Variants in DBNDD2 observed in about 807,000 individuals in gnomAD.
The protein encoded by DBNDD2 is dysbindin domain-containing protein 2.
A neutral mutation model predicts 14.0 loss-of-function variants in DBNDD2; 8 were observed. The ratio of observed to expected loss-of-function variants is 0.57; its 90% CI spans 0.33 to 1.03. DBNDD2 has a LOEUF of 1.03. Ranked by LOEUF, DBNDD2 falls within the 50% of genes least tolerant of loss-of-function variation. The pLI is 0.03. For synonymous variants in DBNDD2, 94 were observed against 85.3 expected (o/e 1.10, Z -0.56); for missense variants, 194 against 206.0 (o/e 0.94, Z 0.36).
At chr20:45,408,755 G>A (rs1182079008) in intron 1 of DBNDD2, 46 bp from the exon 2 acceptor site, 12 of 1,595,812 alleles carry the variant, frequency 7.5e-6, no homozygotes, top group Non-Finnish European at 9.5e-6. Flanking sequence ...CACTGTCCTG[G>A]TGTGCAGCTT....
At chr20:45,408,628 G>T in intron 1 of DBNDD2, 22 bp downstream of exon 1, 1 of 1,607,966 alleles carries the variant, frequency 6.2e-7, no homozygotes, top group Non-Finnish European at 8.5e-7. Context: ...GTCCTGAGAA[G>T]AGGGACTGGG....
Position 45,408,827 on chromosome 20 carries a change from G to T in DBNDD2, c.166G>T (p.Glu56Ter). The T allele has an allele frequency of 2.5e-6, 4 of 1,614,196 alleles. No individual in the cohort carries two copies. Among genetic ancestry groups the T allele is most frequent in the Non-Finnish European group, 3.4e-6 (4 of 1,180,042 alleles). ...CCCCATAGGTAGTATCTCATCCATGGAAGTGAATGTGGACACACTGGAGCA... is the reference window on the plus strand; with the variant it reads ...CCCCATAGGTAGTATCTCATCCATGTAAGTGAATGTGGACACACTGGAGCA... ...RPPIGSISSM[E>*]VNVDTLEQVE... Residue 56 changes from glutamate (E) to a stop codon, truncating the protein, a stop_gained, in exon 2 of 3, where the codon GAA becomes TAA. Coordinates refer to ENST00000372710, the MANE Select transcript of DBNDD2 (RefSeq NM_001048225.4). LOFTEE classifies it high-confidence loss of function.
chr20:45,408,623 G>A lies in DBNDD2; in HGVS notation c.139+17G>A. The A allele has an allele frequency of 6.2e-7, 1 of 1,608,944 alleles. No homozygotes were observed. Among genetic ancestry groups the A allele is most frequent in the Non-Finnish European group, 8.5e-7 (1 of 1,176,268 alleles). On this transcript the variant is annotated intron_variant, in intron 1 of 2. Transcript: ENST00000372710. ...CGCAGAGACGTAAGTCCCAAGTCCT[G>A]AGAAGAGGGACTGGGGTAGGGTAGG...
rs75798323 is a variant in DBNDD2, at chr20:45,408,728, A to T, written c.140-73A>T. The T allele has an allele frequency of 1.9e-3, 3,022 of 1,582,554 alleles. 68 individuals carry two copies. In the East Asian group the frequency reaches 0.055, roughly 29 times the overall value. On this transcript the variant is annotated intron_variant, in intron 1 of 2. Transcript: ENST00000372710. ...TGGCCCTCTATGCTTCTAACTTGGGACCTGACATGTAACTCTCACTGTCCT... is the reference window on the plus strand; with the variant it reads ...TGGCCCTCTATGCTTCTAACTTGGGTCCTGACATGTAACTCTCACTGTCCT...
rs188002910 is a variant in DBNDD2 at position 45,408,498 on chromosome 20, C to A, written c.31C>A (p.Arg11Ser). The change falls in exon 1 of 3, where the codon CGC becomes AGC. Residue 11 changes from arginine (R) to serine (S), a missense_variant. Transcript: ENST00000372710. ...CCCAAATCCTCGGGCCGCCCTGGAG[C>A]GCCAGCAGCTCCGCCTTCGGGAGCG... Reference protein sequence around the residue: MDPNPRAALERQQLRLRERQK... With the variant: MDPNPRAALESQQLRLRERQK... 3 of 1,614,260 alleles carry A rather than the reference C, an allele frequency of 1.9e-6. No homozygotes were observed. The highest frequency in any genetic ancestry group is 2.5e-6 in the Non-Finnish European group (3 of 1,180,050).
At chr20:45,406,326 G>A (rs1051887507), upstream of DBNDD2, 5 of 857,470 alleles carry the variant, frequency 5.8e-6, no homozygotes, top group Admixed American at 3.7e-5. Flanking sequence ...GAACCGGCGC[G>A]GGCGCCCGCC....
chr20:45,408,231 T>A (rs1989588387), upstream of DBNDD2: 1 of 1,551,218 alleles, frequency 6.4e-7, no homozygotes, highest in Non-Finnish European at 8.7e-7. Context: ...GGAACTGGCA[T>A]CCCCTTTGTG....
chr20:45,406,647 C>G (rs1989414678), upstream of DBNDD2: 1 of 1,358,526 alleles, frequency 7.4e-7, no homozygotes, highest in African/African-American at 1.5e-5. Context: ...GCAGCCCCAC[C>G]CCGGCCGGCG....
rs947937399 is a variant in DBNDD2 at position 45,409,063 on chromosome 20, C to G, written c.277+125C>G. 12 of 1,584,742 alleles carry G rather than the reference C, an allele frequency of 7.6e-6. No homozygotes were observed. In the African/African-American group the frequency reaches 1.6e-4, roughly 21 times the overall value. ...TAAGGGCTGGAAGTGGGTGTTTCTA[C>G]CAATGAAACAGCTGCCTGTTCTGAT... is the stretch of plus-strand genomic sequence containing the variant. On this transcript the variant is annotated intron_variant, in intron 2 of 2. Transcript: ENST00000372710.
intron 1 of DBNDD2, 25 bp downstream of exon 1, chr20:45,408,631 G>T (rs1241376301): frequency 8.7e-6 from 14 of 1,607,142 alleles, no homozygotes; most frequent in Non-Finnish European, 1.2e-5. Flanking sequence ...CTGAGAAGAG[G>T]GACTGGGGTA....
intron 2 of DBNDD2, among the ~76,000 whole-genome samples, chr20:45,409,484 T>C (rs2145420950): frequency 6.6e-6 from 1 of 152,352 alleles, no homozygotes; most frequent in African/African-American, 2.4e-5. Flanking sequence ...GCCCATATGC[T>C]TAACTTGTAA....
At chr20:45,406,321 GGCGCGGGCGCCCGCCGCGGGTCT>G (rs1416616072), upstream of DBNDD2, 1 of 807,530 alleles carries the variant, frequency 1.2e-6, no homozygotes, top group African/African-American at 1.8e-5. Context: ...GGGCAGAACC[GGCGCGGGCGCCCGCCGCGGGTCT>G]GCGCGGGGCG....
At chr20:45,406,489 C>T, upstream of DBNDD2, 2 of 1,527,378 alleles carry the variant, frequency 1.3e-6, no homozygotes, top group Non-Finnish European at 1.8e-6. Context: ...TTGGAAGTAC[C>T]AGTAGCCGCG....
upstream of DBNDD2, chr20:45,407,162 C>A (rs567232248): frequency 3.0e-6 from 1 of 330,316 alleles, no homozygotes; most frequent in Non-Finnish European, 4.3e-6. Flanking sequence ...TCTCCCTCCC[C>A]CTCCTCGCTG....
At position 45,408,513 on chromosome 20, in the gene DBNDD2, C is replaced by A. The variant is rs6104143; in HGVS notation, c.46C>A (p.Leu16Ile). 1.2e-6 allele frequency: 2 copies of A among 1,614,276 alleles called. No homozygotes were observed. The highest frequency in any genetic ancestry group is 1.7e-6 in the Non-Finnish European group (2 of 1,180,052). The change falls in exon 1 of 3, where the codon CTT (leucine) becomes ATT (isoleucine). Residue 16 changes from leucine to isoleucine, a missense_variant. Leu to Ile is a conservative substitution (Grantham distance 5, BLOSUM62 2). Transcript: ENST00000372710. ...RAALERQQLR[L>I]RERQKFFEDI... ...CGCCCTGGAGCGCCAGCAGCTCCGC[C>A]TTCGGGAGCGGCAAAAATTCTTCGA...
chr20:45,408,710 C>G (rs1989640767), intron 1 of DBNDD2, 91 bp from the exon 2 acceptor site: 1 of 1,578,744 alleles, frequency 6.3e-7, no homozygotes, highest in Admixed American at 1.7e-5. Flanking sequence ...TCTTGGCCCT[C>G]TATGCTTCTA....
rs762077523 is a variant in DBNDD2, at chr20:45,408,362, G to A, written c.-106G>A. On this transcript the variant is annotated 5_prime_UTR_variant, in exon 1 of 3. Transcript: ENST00000372710. ...CCAGGCCGGAGCCAGGGGCCCCACT[G>A]TTGGGATGCTGGCTGCAGTGGGGCG... 1.2e-6 allele frequency: 2 copies of A among 1,612,410 alleles called. No individual in the cohort carries two copies. Among genetic ancestry groups the A allele is most frequent in the African/African-American group, 2.7e-5 (2 of 74,914 alleles).
At position 45,410,175 on chromosome 20, in the gene DBNDD2, C is replaced by A; in HGVS notation, c.*35C>A. 1 of 1,549,888 alleles carries A rather than the reference C, an allele frequency of 6.5e-7. No homozygotes were observed. Among genetic ancestry groups the A allele is most frequent in the Non-Finnish European group, 8.7e-7 (1 of 1,146,042 alleles). ...CCTGCCTACAGACTGACCACGCTGG[C>A]TATTCTCCACATGAGACCACAGGCC... is the stretch of plus-strand genomic sequence containing the variant. On this transcript the variant is annotated 3_prime_UTR_variant, in exon 3 of 3. Coordinates refer to ENST00000372710, the MANE Select transcript of DBNDD2 (RefSeq NM_001048225.4).
At chr20:45,406,139 A>C, upstream of DBNDD2, 1 of 312,946 alleles carries the variant, frequency 3.2e-6, no homozygotes, top group Non-Finnish European at 5.9e-6. Context: ...GCACCGGGTC[A>C]GTGCCCTGCC....
Sources: allele counts gnomAD v4.1 joint callset (sites outside exome capture counted in the v4.1 genomes callset), GRCh38; gene constraint gnomAD v4.1.1; transcripts MANE v1.5; gene names NCBI Gene and HGNC (gene_info 2026-07-23, HGNC 2026-07-21).